Variants in LHFPL3 observed in about 807,000 individuals in gnomAD.
LHFPL3 encodes the protein LHFPL tetraspan subfamily member 3, also known as LHFPL tetraspan subfamily member 3 protein.
Under a neutral mutation model 19.3 loss-of-function variants are expected in LHFPL3, and 5 were observed. That is an observed-to-expected ratio of 0.26 (90% confidence interval 0.14 to 0.54). The LOEUF (loss-of-function observed/expected upper bound fraction) is 0.54. LHFPL3 is among the 20% of genes least tolerant of loss of function. The probability of loss-of-function intolerance (pLI) is 0.94; values close to 1 mark genes in which losing one functional copy is unlikely to be tolerated. For synonymous variants in LHFPL3, 133 were observed against 126.2 expected (o/e 1.05, Z -0.36); for missense variants, 249 against 307.4 (o/e 0.81, Z 1.42).
At chr7:104,531,707 C>T (rs1794298402) in intron 1 of LHFPL3, among the ~76,000 whole-genome samples, 1 of 152,114 alleles carries the variant, frequency 6.6e-6, no homozygotes, top group Non-Finnish European at 1.5e-5. Flanking sequence ...GAACAGAGAG[C>T]CACAAGCTCA....
chr7:104,631,350 C>T (rs1791638280), intron 1 of LHFPL3, among the ~76,000 whole-genome samples: 1 of 151,950 alleles, frequency 6.6e-6, no homozygotes, highest in South Asian at 2.1e-4. Context: ...CTATGTCCCC[C>T]CAACCCAACT....
chr7:104,361,455 G>A (rs1790390127), intron 1 of LHFPL3, among the ~76,000 whole-genome samples: 1 of 152,108 alleles, frequency 6.6e-6, no homozygotes, highest in African/African-American at 2.4e-5. Flanking sequence ...TGGTAAAGAA[G>A]CTTTAATTTC....
intron 1 of LHFPL3, among the ~76,000 whole-genome samples, chr7:104,406,424 GTCTA>G (rs1484935105): frequency 6.6e-6 from 1 of 152,102 alleles, no homozygotes. Flanking sequence ...AATATGTATT[GTCTA>G]TCCACTATGT....
chr7:104,428,038 G>A (rs1012064825), intron 1 of LHFPL3, among the ~76,000 whole-genome samples: 1 of 152,128 alleles, frequency 6.6e-6, no homozygotes, highest in Admixed American at 6.5e-5. Flanking sequence ...TAATACCTCA[G>A]CATCACAGTG....
intron 2 of LHFPL3, among the ~76,000 whole-genome samples, chr7:104,863,122 G>T (rs1045434748): frequency 1.3e-5 from 2 of 152,156 alleles, no homozygotes; most frequent in African/African-American, 4.8e-5. Flanking sequence ...ACCCCAAAAA[G>T]ATAATAAAAA....
chr7:104,415,715 T>G (rs1157040607), intron 1 of LHFPL3, among the ~76,000 whole-genome samples: 1 of 152,236 alleles, frequency 6.6e-6, no homozygotes, highest in African/African-American at 2.4e-5. Context: ...TTTGTACTTC[T>G]AAATAGTTAT....
At chr7:104,848,274 A>C (rs1791350180) in intron 2 of LHFPL3, among the ~76,000 whole-genome samples, 1 of 152,172 alleles carries the variant, frequency 6.6e-6, no homozygotes, top group Non-Finnish European at 1.5e-5. Flanking sequence ...GCTGTTGGAG[A>C]TAATGGAAGG....
intron 2 of LHFPL3, among the ~76,000 whole-genome samples, chr7:104,823,185 G>A (rs1790710614): frequency 1.3e-5 from 2 of 152,126 alleles, no homozygotes. Flanking sequence ...AATAATTTCA[G>A]ATAAAGAAGA....
chr7:104,439,918 A>T (rs1441254627), intron 1 of LHFPL3, among the ~76,000 whole-genome samples: 1 of 151,928 alleles, frequency 6.6e-6, no homozygotes, highest in Non-Finnish European at 1.5e-5. Context: ...TCACAATGTG[A>T]TCATTTGCTT....
intron 1 of LHFPL3, among the ~76,000 whole-genome samples, chr7:104,382,551 A>T (rs1462511456): frequency 6.6e-6 from 1 of 152,196 alleles, no homozygotes; most frequent in Non-Finnish European, 1.5e-5. Flanking sequence ...CCTGGGTTCC[A>T]TCTCCAAGGA....
chr7:104,344,625 T>A (rs1017015100), intron 1 of LHFPL3, among the ~76,000 whole-genome samples: 2 of 152,250 alleles, frequency 1.3e-5, no homozygotes, highest in African/African-American at 4.8e-5. Flanking sequence ...TAGTATTCCA[T>A]GCTGTATGTA....
intron 2 of LHFPL3, among the ~76,000 whole-genome samples, chr7:104,864,565 G>A (rs1326417527): frequency 1.3e-5 from 2 of 152,206 alleles, no homozygotes; most frequent in African/African-American, 4.8e-5. Flanking sequence ...AGTGAGGCTG[G>A]GGGAGGGGCG....
intron 2 of LHFPL3, among the ~76,000 whole-genome samples, chr7:104,836,865 A>G (rs889219103): frequency 1.3e-5 from 2 of 152,206 alleles, no homozygotes; most frequent in African/African-American, 4.8e-5. Flanking sequence ...GTAGGATGTC[A>G]GTTTATCTCT....
intron 1 of LHFPL3, among the ~76,000 whole-genome samples, chr7:104,708,236 A>G (rs1182060268): frequency 6.6e-6 from 1 of 152,234 alleles, no homozygotes; most frequent in Non-Finnish European, 1.5e-5. Flanking sequence ...AAATGTATGA[A>G]GTATCCTCAT....
In LHFPL3 at chr7:104,419,765, G is replaced by A. The variant is rs540063705; in HGVS notation, c.445+90541G>A. ...GGACGTATGGTTTAGGTGAAGGAAA[G>A]GCTAGAGAGGATGAGATGGAGGCTG... On this transcript the variant is annotated intron_variant, in intron 1 of 2. Coordinates refer to ENST00000424859, the MANE Select transcript of LHFPL3 (RefSeq NM_199000.3). Among the ~76,000 whole-genome samples the A allele has an allele frequency of 2.0e-5, 3 of 152,264 alleles. No individual in the cohort carries two copies. In the South Asian group the frequency reaches 6.2e-4, roughly 32 times the overall value.
intron 1 of LHFPL3, among the ~76,000 whole-genome samples, chr7:104,575,438 C>T (rs942512682): frequency 7.2e-5 from 11 of 151,828 alleles, no homozygotes; most frequent in African/African-American, 2.7e-4. Context: ...AGTAGCTAGA[C>T]GCTTCTGACC....
rs184374660 is a variant in LHFPL3 at position 104,661,445 on chromosome 7, G to A, written c.446-75230G>A. On this transcript the variant is annotated intron_variant, in intron 1 of 2. Coordinates refer to ENST00000424859, the MANE Select transcript of LHFPL3 (RefSeq NM_199000.3). ...AAACTACCCTTACTCACATATGCTT[G>A]TTCTCCCAACTACAGGCAATTAAAT... Among the ~76,000 whole-genome samples, 393 of 152,270 alleles carry A rather than the reference G, an allele frequency of 2.6e-3. 2 individuals carry two copies. The highest frequency in any genetic ancestry group is 9.1e-3 in the African/African-American group (377 of 41,536).
chr7:104,453,895 T>C (rs1792492536), intron 1 of LHFPL3, among the ~76,000 whole-genome samples: 1 of 152,192 alleles, frequency 6.6e-6, no homozygotes, highest in Non-Finnish European at 1.5e-5. Context: ...AATTGTAAGC[T>C]TCCTGAAGCC....
At chr7:104,626,171 T>C (rs1791542111) in intron 1 of LHFPL3, among the ~76,000 whole-genome samples, 1 of 152,198 alleles carries the variant, frequency 6.6e-6, no homozygotes, top group Non-Finnish European at 1.5e-5. Flanking sequence ...CCTAATATTT[T>C]AGACATGAGT....
Sources: gnomAD v4.1 joint callset for allele counts (sites outside exome capture counted in the v4.1 genomes callset) on GRCh38, gnomAD v4.1.1 for gene constraint, MANE v1.5 for transcripts, NCBI Gene and HGNC (gene_info 2026-07-23, HGNC 2026-07-21) for gene names.